The following PLXNB2 variants were observed in gnomAD, a reference collection of about 807,000 sequenced individuals.
PLXNB2 encodes plexin B2.
In PLXNB2, 85 loss-of-function variants were observed where a neutral mutation model predicts 202.6. The ratio of observed to expected loss-of-function variants is 0.42; its 90% CI spans 0.35 to 0.50. The LOEUF is 0.50. Ranked by LOEUF, PLXNB2 falls within the 20% of genes least tolerant of loss-of-function variation. PLXNB2 has a pLI of 0.02. For synonymous variants in PLXNB2, 1,239 were observed against 1,137.6 expected (o/e 1.09, Z -1.79); for missense variants, 2,063 against 2,586.2 (o/e 0.80, Z 4.39).
chr22:50,285,211 C>T (rs2066338869), intron 11 of PLXNB2, among the ~76,000 whole-genome samples: 1 of 148,236 alleles, frequency 6.7e-6, no homozygotes, highest in Non-Finnish European at 1.5e-5. Context: ...AACCGGCACC[C>T]CCTCCCTCCG....
Position 50,284,307 on chromosome 22 carries a change from C to T in PLXNB2, c.2182-94G>A, listed in dbSNP as rs2066257027. On this transcript the variant is annotated intron_variant, in intron 12 of 36. Transcript: ENST00000359337. The surrounding 1 kb of genome is among the most constrained non-coding windows in gnomAD (Gnocchi z 8.0). ...GGCAGCCTCCCTGTGGCCACCGGGT[C>T]CCTTCCCAGCCAAGGGCAGCAGGGG... 3 of 1,201,742 alleles carry T rather than the reference C, an allele frequency of 2.5e-6. No individual in the cohort carries two copies. The highest frequency in any genetic ancestry group is 3.4e-5 in the Admixed American group (2 of 58,392). The allele number at this position is 1,201,742 out of a possible 1,614,324, so 74.4% of individuals were successfully genotyped here.
chr22:50,289,677 C>G lies in PLXNB2; in HGVS notation c.908G>C (p.Ser303Thr). ...LYAVFSRDSR[S>T]SGGPGAGLCL... ...GAGGCCCGCACCGGGCCCCCCACTG[C>G]TCCGGCTGTCTCTGCTGAAGACAGC... Residue 303 changes from serine to threonine, a missense_variant, in exon 3 of 37, where the codon AGC becomes ACC. Around this residue, in one of 2 missense-constraint regions of PLXNB2, gnomAD observed 1,303 missense variants for 1,476.8 expected, o/e 0.88. Transcript: ENST00000359337. The surrounding 1 kb of genome is among the most constrained non-coding windows in gnomAD (Gnocchi z 8.0). 6.2e-7 allele frequency: 1 copy of G among 1,610,292 alleles called. No homozygotes were observed. The highest frequency in any genetic ancestry group is 8.5e-7 in the Non-Finnish European group (1 of 1,179,830).
intron 1 of PLXNB2, among the ~76,000 whole-genome samples, chr22:50,300,878 C>G (rs1464097449): frequency 1.3e-5 from 2 of 152,146 alleles, no homozygotes; most frequent in African/African-American, 4.8e-5. Context: ...CCCCACTGGT[C>G]CACACCTCCT....
Position 50,284,468 on chromosome 22 carries a change from T to G in PLXNB2, c.2181+105A>C. ...GAGCCCCTGGCTGGGCTCTGGTCCCTGGGGTCTCCCTGCTGCCCCTCCCCT... is the reference window on the plus strand; with the variant it reads ...GAGCCCCTGGCTGGGCTCTGGTCCCGGGGGTCTCCCTGCTGCCCCTCCCCT... On this transcript the variant is annotated intron_variant, in intron 12 of 36. Coordinates refer to ENST00000359337, the MANE Select transcript of PLXNB2 (RefSeq NM_012401.4). The surrounding 1 kb of genome is among the most constrained non-coding windows in gnomAD (Gnocchi z 8.0). 3 of 904,164 alleles carry G rather than the reference T, an allele frequency of 3.3e-6. No homozygotes were observed. Among genetic ancestry groups the G allele is most frequent in the Non-Finnish European group, 5.2e-6 (3 of 575,124 alleles). 56.0% of individuals were successfully genotyped at this position (904,164 alleles called of 1,614,324 possible). A position where few individuals can be genotyped will look rare whatever the true frequency, so the allele number is the denominator to read the frequency against.
In PLXNB2 at chr22:50,282,308, C is replaced by T; in HGVS notation, c.2993G>A (p.Gly998Asp). The T allele has an allele frequency of 6.2e-7, 1 of 1,608,810 alleles. No homozygotes were observed. The highest frequency in any genetic ancestry group is 1.7e-5 in the Admixed American group (1 of 59,436). The change falls in exon 19 of 37, where the codon GGC (glycine) becomes GAC (aspartate). Residue 998 changes from glycine (G) to aspartate (D), a missense_variant. Around this residue, in one of 2 missense-constraint regions of PLXNB2, gnomAD observed 1,303 missense variants for 1,476.8 expected, o/e 0.88. Transcript: ENST00000359337. ...CTGACCCGTGACGTTGATGCTGCGGCCACCACTGCGGAGGGCAGTGCCTTC... is the reference window on the plus strand; with the variant it reads ...CTGACCCGTGACGTTGATGCTGCGGTCACCACTGCGGAGGGCAGTGCCTTC... Reference protein sequence around the residue: ...FEPLRSFASGGRSINVTGQGF... With the variant: ...FEPLRSFASGDRSINVTGQGF...
Position 50,275,814 on chromosome 22 carries a change from G to C in PLXNB2, c.5413-6C>G, listed in dbSNP as rs764450803. On this transcript the variant is annotated splice_region_variant and splice_polypyrimidine_tract_variant and intron_variant, in intron 36 of 36. Coordinates refer to ENST00000359337, the MANE Select transcript of PLXNB2 (RefSeq NM_012401.4). Reference sequence around the variant, plus strand: ...TCCTCCAAGGCATTGATGATCTGAGGGAGGGTCGCATCAGAGCACACCGGG... The same window carrying C: ...TCCTCCAAGGCATTGATGATCTGAGCGAGGGTCGCATCAGAGCACACCGGG... 3 of 1,611,288 alleles carry C rather than the reference G, an allele frequency of 1.9e-6. No homozygotes were observed. The highest frequency in any genetic ancestry group is 2.5e-6 in the Non-Finnish European group (3 of 1,178,894).
chr22:50,300,390 G>A (rs543510945), intron 1 of PLXNB2: 1 of 921,780 alleles, frequency 1.1e-6, no homozygotes, highest in African/African-American at 1.8e-5. Flanking sequence ...CCGTGCCCCC[G>A]GTCGGTCTCA....
In PLXNB2 at chr22:50,281,834, C is replaced by A; in HGVS notation, c.3345+20G>T. The A allele has an allele frequency of 6.2e-7, 1 of 1,602,462 alleles. No individual in the cohort carries two copies. Among genetic ancestry groups the A allele is most frequent in the Non-Finnish European group, 8.5e-7 (1 of 1,173,334 alleles). On this transcript the variant is annotated intron_variant, in intron 20 of 36. Transcript: ENST00000359337. ...CAGACCCGAGCAGGACCCAGACACC[C>A]GGGGCTGCACCGTCCTCACCCGGGC... is the stretch of plus-strand genomic sequence containing the variant.
At chr22:50,304,613 C>T (rs2067822389) in intron 1 of PLXNB2, among the ~76,000 whole-genome samples, 1 of 152,040 alleles carries the variant, frequency 6.6e-6, no homozygotes, top group Admixed American at 6.5e-5. Context: ...AAGAGGGAAG[C>T]TAGGGCAGCT....
Position 50,275,791 on chromosome 22 carries a change from C to T in PLXNB2, c.5430G>A (p.Glu1810=). Residue 1810 remains glutamate (E), a synonymous_variant, in exon 37 of 37, where the codon GAG becomes GAA. Coordinates refer to ENST00000359337, the MANE Select transcript of PLXNB2 (RefSeq NM_012401.4). The stretch of plus-strand genomic sequence containing the variant: ...GCATCTTCTGGGCGGCAGGATCCTC[C>T]TCCAAGGCATTGATGATCTGAGGGA... ...KYYDEIINAL[E]EDPAAQKMQL... 1 of 1,612,358 alleles carries T rather than the reference C, an allele frequency of 6.2e-7. No individual in the cohort carries two copies. The highest frequency in any genetic ancestry group is 2.2e-5 in the East Asian group (1 of 44,872).
rs1157988300 is a variant in PLXNB2, at chr22:50,284,830, C to T, written c.2089-165G>A. ...CATGCCAGCTGACCCCTCGGCCACT[C>T]CTGAGCCCAAACACCTGTGTCTGCA... On this transcript the variant is annotated intron_variant, in intron 11 of 36. Coordinates refer to ENST00000359337, the MANE Select transcript of PLXNB2 (RefSeq NM_012401.4). This position sits in a 1 kb window ranked among gnomAD's most constrained non-coding sequence, Gnocchi z 8.0. The T allele has an allele frequency of 1.3e-6, 1 of 753,884 alleles. No homozygotes were observed. The highest frequency in any genetic ancestry group is 1.8e-5 in the Admixed American group (1 of 55,926). 46.7% of individuals were successfully genotyped at this position (753,884 alleles called of 1,614,324 possible).
At chr22:50,281,035 A>G in intron 23 of PLXNB2, 54 bp downstream of exon 23, 1 of 1,600,040 alleles carries the variant, frequency 6.2e-7, no homozygotes, top group Non-Finnish European at 8.6e-7. Flanking sequence ...CACGCTACAC[A>G]CAGCATCCCC....
At chr22:50,282,387 C>T in intron 18 of PLXNB2, 74 bp from the exon 19 acceptor site, 1 of 1,485,096 alleles carries the variant, frequency 6.7e-7, no homozygotes, top group Non-Finnish European at 9.0e-7. Context: ...CCGTCCCCGC[C>T]CACCCTGGCC....
In PLXNB2 at chr22:50,284,948, C is replaced by T; in HGVS notation, c.2089-283G>A. 2 of 560,086 alleles carry T rather than the reference C, an allele frequency of 3.6e-6. No homozygotes were observed. The highest frequency in any genetic ancestry group is 7.0e-6 in the Non-Finnish European group (2 of 286,560). 34.7% of individuals were successfully genotyped at this position (560,086 alleles called of 1,614,324 possible). ...TCGCCCGGCCCACCTGACATCGTGGCCCCCACAGCTCCCTCCTCAGGAGGT... is the reference window on the plus strand; with the variant it reads ...TCGCCCGGCCCACCTGACATCGTGGTCCCCACAGCTCCCTCCTCAGGAGGT... On this transcript the variant is annotated intron_variant, in intron 11 of 36. Coordinates refer to ENST00000359337, the MANE Select transcript of PLXNB2 (RefSeq NM_012401.4). This position sits in a 1 kb window ranked among gnomAD's most constrained non-coding sequence, Gnocchi z 8.0.
chr22:50,295,587 C>T (rs2067203414), intron 1 of PLXNB2, among the ~76,000 whole-genome samples: 1 of 152,152 alleles, frequency 6.6e-6, no homozygotes, highest in Non-Finnish European at 1.5e-5. Context: ...TGGATAAACA[C>T]CGACTATACC....
intron 18 of PLXNB2, 170 bp from the exon 19 acceptor site, chr22:50,282,483 G>C: frequency 2.7e-6 from 2 of 752,484 alleles, no homozygotes; most frequent in East Asian, 5.4e-5. Context: ...ACGAGACTGT[G>C]CCGCAAGTGG....
chr22:50,305,776 A>G (rs1161370733), intron 1 of PLXNB2, among the ~76,000 whole-genome samples: 1 of 151,882 alleles, frequency 6.6e-6, no homozygotes, highest in Non-Finnish European at 1.5e-5. Context: ...TCAGACCACC[A>G]TTGAGACTTC....
intron 1 of PLXNB2, among the ~76,000 whole-genome samples, chr22:50,299,859 C>T (rs1225794192): frequency 6.6e-6 from 1 of 152,164 alleles, no homozygotes; most frequent in Non-Finnish European, 1.5e-5. Flanking sequence ...GGCACCCGGC[C>T]TGTGTGGAGC....
chr22:50,302,648 G>A lies in PLXNB2; in HGVS notation c.-74+4905C>T, dbSNP rs114773680. Among the ~76,000 whole-genome samples the A allele has an allele frequency of 9.7e-3, 1,483 of 152,288 alleles. 25 individuals are homozygous for A. Among genetic ancestry groups the A allele is most frequent in the African/African-American group, 0.034 (1,407 of 41,568 alleles). Reference sequence around the variant, plus strand: ...GGGTGGTCACCAGATCAGGCTCGGTGCCAACATAGGAGTGGGGAGGCCAAG... The same window carrying A: ...GGGTGGTCACCAGATCAGGCTCGGTACCAACATAGGAGTGGGGAGGCCAAG... On this transcript the variant is annotated intron_variant, in intron 1 of 36. Transcript: ENST00000359337.
Sources: allele counts gnomAD v4.1 joint callset (sites outside exome capture counted in the v4.1 genomes callset), GRCh38; gene constraint gnomAD v4.1.1; regional missense constraint gnomAD v4.1.1; non-coding constraint Gnocchi (gnomAD v3.1); transcripts MANE v1.5; gene names NCBI Gene and HGNC (gene_info 2026-07-23, HGNC 2026-07-21).